Variants in PRKCI observed in about 807,000 individuals in gnomAD.
PRKCI encodes the protein protein kinase C iota.
Under a neutral mutation model 84.0 loss-of-function variants are expected in PRKCI, and 43 were observed. That is an observed-to-expected ratio of 0.51 (90% confidence interval 0.40 to 0.66). The LOEUF is 0.66. PRKCI is among the 30% of genes least tolerant of loss of function. The pLI, the probability that PRKCI is intolerant of heterozygous loss-of-function variation, is 0.00. For missense variants in PRKCI, 459 were observed against 745.6 expected, an observed-to-expected ratio of 0.62 and a Z score of 4.48; for synonymous variants, 216 against 234.4, an observed-to-expected ratio of 0.92 and a Z score of 0.72.
chr3:170,249,543 CT>C (rs1470373202), intron 2 of PRKCI, among the ~76,000 whole-genome samples: 1 of 151,988 alleles, frequency 6.6e-6, no homozygotes, highest in African/African-American at 2.4e-5. Context: ...AATCCCAGCA[CT>C]TTTGGAGACC....
At chr3:170,267,291 G>A (rs899198290) in intron 4 of PRKCI, among the ~76,000 whole-genome samples, 1 of 152,048 alleles carries the variant, frequency 6.6e-6, no homozygotes, top group African/African-American at 2.4e-5. Flanking sequence ...GTAAATCTCG[G>A]TGAAAGATGC....
intron 1 of PRKCI, among the ~76,000 whole-genome samples, chr3:170,227,891 A>C (rs1241237933): frequency 6.6e-6 from 1 of 152,198 alleles, no homozygotes; most frequent in Non-Finnish European, 1.5e-5. Flanking sequence ...AGTAGTCCAG[A>C]TGAGATATTT....
At chr3:170,269,899 G>A (rs1408275475) in intron 5 of PRKCI, among the ~76,000 whole-genome samples, 5 of 151,766 alleles carry the variant, frequency 3.3e-5, no homozygotes, top group African/African-American at 7.3e-5. Context: ...CGGAGGTTGC[G>A]GTAAGCTGAG....
At chr3:170,295,104 C>T (rs1356326177) in intron 14 of PRKCI, among the ~76,000 whole-genome samples, 2 of 151,414 alleles carry the variant, frequency 1.3e-5, no homozygotes, top group Non-Finnish European at 2.9e-5. Context: ...CCTAACTACT[C>T]AGGAGGCTCA....
At chr3:170,286,232 G>A (rs1475236882) in intron 12 of PRKCI, among the ~76,000 whole-genome samples, 1 of 151,740 alleles carries the variant, frequency 6.6e-6, no homozygotes, top group Non-Finnish European at 1.5e-5. Flanking sequence ...CGGCCCTTAC[G>A]TATTTATATT....
chr3:170,271,346 A>G (rs1253704390), intron 6 of PRKCI, among the ~76,000 whole-genome samples: 2 of 152,176 alleles, frequency 1.3e-5, no homozygotes, highest in Non-Finnish European at 2.9e-5. Flanking sequence ...TTATTTTCAA[A>G]CAAATCTCAG....
rs146869487 is a variant in PRKCI, at chr3:170,303,865, C to T, written c.*738C>T. The stretch of plus-strand genomic sequence containing the variant: ...TACAAAAATTAGCTGGGCATGGTGG[C>T]ACATACCTGTAATCCCAGCTACTCG... On this transcript the variant is annotated 3_prime_UTR_variant, in exon 18 of 18. Transcript: ENST00000295797. 0.021 allele frequency: 3,591 copies of T among 174,108 alleles called. 130 individuals carry two copies. Among genetic ancestry groups the T allele is most frequent in the African/African-American group, 0.08 (3,381 of 42,186 alleles). The allele number at this position is 174,108 out of a possible 1,614,324, so 10.8% of individuals were successfully genotyped here. A position where few individuals can be genotyped will look rare whatever the true frequency, so the allele number is the denominator to read the frequency against.
Position 170,222,652 on chromosome 3 carries a change from A to T in PRKCI, c.-18A>T. 6.4e-7 allele frequency: 1 copy of T among 1,551,158 alleles called. No individual in the cohort carries two copies. Among genetic ancestry groups the T allele is most frequent in the Non-Finnish European group, 8.7e-7 (1 of 1,148,022 alleles). On this transcript the variant is annotated 5_prime_UTR_variant, in exon 1 of 18. Transcript: ENST00000295797. ...CCCGCACCCCCGGCCTCCAGCGTTG[A>T]GGCGGGGGAGTGAGGAGATGCCGAC... is the stretch of plus-strand genomic sequence containing the variant.
At chr3:170,235,136 T>A in intron 1 of PRKCI, 94 bp from the exon 2 acceptor site, 2 of 1,305,914 alleles carry the variant, frequency 1.5e-6, no homozygotes, top group East Asian at 4.9e-5. Flanking sequence ...CACACAAAAT[T>A]ACTGAAGTTC....
At chr3:170,252,361 G>A (rs972804896) in intron 2 of PRKCI, among the ~76,000 whole-genome samples, 1 of 152,088 alleles carries the variant, frequency 6.6e-6, no homozygotes, top group African/African-American at 2.4e-5. Context: ...AATTTTAATG[G>A]ATACATAGTA....
intron 12 of PRKCI, among the ~76,000 whole-genome samples, chr3:170,288,788 TA>T (rs1426399190): frequency 6.6e-6 from 1 of 152,110 alleles, no homozygotes. Flanking sequence ...AAATAAAAAA[TA>T]AAGCTTATGA....
chr3:170,237,510 C>T (rs943110547), intron 2 of PRKCI, among the ~76,000 whole-genome samples: 3 of 152,108 alleles, frequency 2.0e-5, no homozygotes, highest in Non-Finnish European at 2.9e-5. Context: ...CCAAACACCA[C>T]CTGCTCCTTG....
At chr3:170,270,821 A>G (rs936266372) in intron 6 of PRKCI, among the ~76,000 whole-genome samples, 3 of 152,090 alleles carry the variant, frequency 2.0e-5, no homozygotes, top group East Asian at 1.9e-4. Context: ...TTAGGAAGCT[A>G]TAGAGAGAAC....
At chr3:170,226,402 A>T (rs547035781) in intron 1 of PRKCI, among the ~76,000 whole-genome samples, 25 of 152,310 alleles carry the variant, frequency 1.6e-4, no homozygotes, top group Non-Finnish European at 3.2e-4. Flanking sequence ...AGGTTTCATT[A>T]ATTAGTGATA....
chr3:170,297,865 AT>A (rs887061531), intron 16 of PRKCI, among the ~76,000 whole-genome samples: 2 of 151,482 alleles, frequency 1.3e-5, no homozygotes, highest in African/African-American at 2.4e-5. Flanking sequence ...AAAAAATTCA[AT>A]TTTTTTTTAA....
intron 6 of PRKCI, among the ~76,000 whole-genome samples, chr3:170,271,051 C>G (rs936172148): frequency 6.6e-6 from 1 of 151,628 alleles, no homozygotes; most frequent in Admixed American, 6.6e-5. Context: ...GAAAAAAATA[C>G]AGAATACAGA....
At chr3:170,262,854 A>C (rs917918431) in intron 3 of PRKCI, among the ~76,000 whole-genome samples, 2 of 141,426 alleles carry the variant, frequency 1.4e-5, no homozygotes, top group African/African-American at 2.6e-5. Flanking sequence ...TTTTTTTAAC[A>C]TCAACAAAGC....
At position 170,227,588 on chromosome 3, in the gene PRKCI, C is replaced by G. The variant is rs1316507608; in HGVS notation, c.101+4818C>G. Among the ~76,000 whole-genome samples, 10 of 152,228 alleles carry G rather than the reference C, an allele frequency of 6.6e-5. No individual in the cohort carries two copies. The East Asian group carries it at 1.2e-3, about 18-fold the overall frequency. ...GTGGGTGTTATAGGCATTAAACAACCACATGGTAAGTTTGCAGAATTAAGA... is the reference window on the plus strand; with the variant it reads ...GTGGGTGTTATAGGCATTAAACAACGACATGGTAAGTTTGCAGAATTAAGA... On this transcript the variant is annotated intron_variant, in intron 1 of 17. Transcript: ENST00000295797.
intron 12 of PRKCI, among the ~76,000 whole-genome samples, chr3:170,286,806 ACTTT>A (rs1249076194): frequency 2.8e-5 from 4 of 144,728 alleles, no homozygotes; most frequent in African/African-American, 5.0e-5. Context: ...TTTTATTTTT[ACTTT>A]CTTTTTTTTT....
Sources: allele counts gnomAD v4.1 joint callset (sites outside exome capture counted in the v4.1 genomes callset), GRCh38; gene constraint gnomAD v4.1.1; transcripts MANE v1.5; gene names NCBI Gene and HGNC (gene_info 2026-07-23, HGNC 2026-07-21).